Variants in ASAP2 observed in about 807,000 individuals in gnomAD.
ASAP2 encodes arf-GAP with SH3 domain, ANK repeat and PH domain-containing protein 2.
In ASAP2, 45 loss-of-function variants were observed where a neutral mutation model predicts 131.4. The observed-to-expected ratio is 0.34, with a 90% CI of 0.27 to 0.44. The LOEUF (loss-of-function observed/expected upper bound fraction) is 0.44, where lower values mean the gene tolerates loss of function less well. Among genes scored for constraint, ASAP2 ranks in the 20% least tolerant of loss-of-function variants. The pLI is 1.00. For synonymous variants in ASAP2, 510 were observed against 503.0 expected (o/e 1.01, Z -0.19); for missense variants, 1,011 against 1,297.0 (o/e 0.78, Z 3.39).
At chr2:9,381,980 CTT>C (rs759499289) in intron 20 of ASAP2, among the ~76,000 whole-genome samples, 9,602 of 115,912 alleles carry the variant, frequency 0.083, 777 homozygotes, top group African/African-American at 0.31. Flanking sequence ...CTCATTTAAT[CTT>C]TTTTTTTTTT....
Position 9,311,900 on chromosome 2 carries a change from C to T in ASAP2, c.346-6624C>T, listed in dbSNP as rs1404312600. On this transcript the variant is annotated intron_variant, in intron 3 of 27. Coordinates refer to ENST00000281419, the MANE Select transcript of ASAP2 (RefSeq NM_003887.3). The surrounding 1 kb of genome is among the most constrained non-coding windows in gnomAD (Gnocchi z 5.2). The stretch of plus-strand genomic sequence containing the variant: ...GCGTGTGTGCTGTGTGGATTGCATA[C>T]ACCAAGCATGGAAAGGCAGAGGCAA... Among the ~76,000 whole-genome samples the T allele has an allele frequency of 1.3e-5, 2 of 152,234 alleles. No homozygotes were observed. The highest frequency in any genetic ancestry group is 6.5e-5 in the Admixed American group (1 of 15,288).
In ASAP2 at chr2:9,301,320, C is replaced by T. The variant is rs1668458521; in HGVS notation, c.345+3875C>T. Among the ~76,000 whole-genome samples the T allele has an allele frequency of 5.9e-5, 9 of 152,298 alleles. No homozygotes were observed. The South Asian group carries it at 1.9e-3, about 32-fold the overall frequency. On this transcript the variant is annotated intron_variant, in intron 3 of 27. Transcript: ENST00000281419. ...CTTAATATAAAGCAAGATTTTCTTA[C>T]TAATGGGTGAGATTCTCACCTGCAG...
intron 1 of ASAP2, among the ~76,000 whole-genome samples, chr2:9,208,357 G>C (rs1393997630): frequency 7.6e-6 from 1 of 132,408 alleles, no homozygotes; most frequent in Admixed American, 7.4e-5. Flanking sequence ...GGGTGGGGGG[G>C]TGGGTGTCAC....
At chr2:9,375,009 G>C in intron 17 of ASAP2, 65 bp downstream of exon 17, 1 of 1,460,374 alleles carries the variant, frequency 6.8e-7, no homozygotes, top group South Asian at 1.4e-5. Flanking sequence ...GCTCATGCCT[G>C]GGATCCAGTA....
rs145197255 is a variant in ASAP2, at chr2:9,327,390, T to C, written c.601-436T>C. ...TTTTCCAACAATCACATTATTTTCC[T>C]TGTAAGGGAAATGTCTCAGGACGAG... is the stretch of plus-strand genomic sequence containing the variant. On this transcript the variant is annotated intron_variant, in intron 6 of 27. Transcript: ENST00000281419. Among the ~76,000 whole-genome samples the C allele has an allele frequency of 2.8e-3, 420 of 152,342 alleles. 2 individuals are homozygous for C. The highest frequency in any genetic ancestry group is 9.6e-3 in the African/African-American group (400 of 41,568).
chr2:9,229,759 G>A (rs1028724550), intron 1 of ASAP2, among the ~76,000 whole-genome samples: 1 of 152,186 alleles, frequency 6.6e-6, no homozygotes, highest in South Asian at 2.1e-4. Flanking sequence ...TCTGCAGGGG[G>A]ACAAAGTGCC....
chr2:9,272,215 G>A (rs921463670), intron 1 of ASAP2, among the ~76,000 whole-genome samples: 3 of 152,100 alleles, frequency 2.0e-5, no homozygotes, highest in Admixed American at 6.5e-5. Context: ...ATCCCCACAA[G>A]CATTTGTTAT....
chr2:9,254,731 C>T (rs6744693), intron 1 of ASAP2, among the ~76,000 whole-genome samples: 81,076 of 150,926 alleles, frequency 0.54, 22,909 homozygotes, highest in African/African-American at 0.73. Flanking sequence ...CCAGTATATA[C>T]AGGATTTGGT....
In ASAP2 at chr2:9,316,167, A is replaced by G. The variant is rs371378701; in HGVS notation, c.346-2357A>G. 4.7e-4 allele frequency among the ~76,000 whole-genome samples: 71 copies of G among 152,162 alleles called. No homozygotes were observed. In the East Asian group the frequency reaches 9.7e-3, roughly 21 times the overall value. On this transcript the variant is annotated intron_variant, in intron 3 of 27. Coordinates refer to ENST00000281419, the MANE Select transcript of ASAP2 (RefSeq NM_003887.3). ...AACCCTGTCTACAAAAACTACAAAA[A>G]AAAAATTAGCCAAGCATGTTGGCCC...
In ASAP2 at chr2:9,392,929, C is replaced by T. The variant is rs1319378385; in HGVS notation, c.2519-553C>T. On this transcript the variant is annotated intron_variant, in intron 23 of 27. Coordinates refer to ENST00000281419, the MANE Select transcript of ASAP2 (RefSeq NM_003887.3). The surrounding 1 kb of genome is among the most constrained non-coding windows in gnomAD (Gnocchi z 4.0). ...CACCCTTGACGAGAGCTCTTCCCCT[C>T]CGTGGGCCTCAGCCTCCTTGTCTGT... 1.3e-5 allele frequency among the ~76,000 whole-genome samples: 2 copies of T among 152,228 alleles called. No individual in the cohort carries two copies. Among genetic ancestry groups the T allele is most frequent in the African/African-American group, 2.4e-5 (1 of 41,462 alleles).
At chr2:9,210,443 C>G (rs1661448737) in intron 1 of ASAP2, among the ~76,000 whole-genome samples, 1 of 152,106 alleles carries the variant, frequency 6.6e-6, no homozygotes, top group South Asian at 2.1e-4. Flanking sequence ...GTCCACAGGC[C>G]CCAGTGAGGG....
rs114859857 is a variant in ASAP2 at position 9,321,306 on chromosome 2, A to T, written c.470+969A>T. 2.9e-3 allele frequency among the ~76,000 whole-genome samples: 442 copies of T among 152,256 alleles called. 3 individuals carry two copies. The highest frequency in any genetic ancestry group is 0.01 in the African/African-American group (427 of 41,546). ...CACACCTTTGATACTCCTTCTATCC[A>T]TGGGAATCTTACATTTCCATACCCG... On this transcript the variant is annotated intron_variant, in intron 5 of 27. Transcript: ENST00000281419.
At chr2:9,357,604 G>A (rs943150645) in intron 14 of ASAP2, among the ~76,000 whole-genome samples, 3 of 152,116 alleles carry the variant, frequency 2.0e-5, no homozygotes, top group Non-Finnish European at 2.9e-5. Flanking sequence ...TGTTTCATAC[G>A]CTTTGATAAA....
intron 7 of ASAP2, among the ~76,000 whole-genome samples, chr2:9,329,834 T>C (rs1448853321): frequency 6.6e-6 from 1 of 152,252 alleles, no homozygotes; most frequent in Non-Finnish European, 1.5e-5. Context: ...CTTTCCTTTG[T>C]GCCCTCCCTG....
intron 3 of ASAP2, among the ~76,000 whole-genome samples, chr2:9,315,359 GT>G (rs1669586070): frequency 6.6e-6 from 1 of 152,220 alleles, no homozygotes; most frequent in Non-Finnish European, 1.5e-5. Context: ...AGCCAAGGCA[GT>G]GGACGTGAGA....
chr2:9,309,931 C>T (rs1669191238), intron 3 of ASAP2, among the ~76,000 whole-genome samples: 1 of 152,252 alleles, frequency 6.6e-6, no homozygotes, highest in East Asian at 1.9e-4. Flanking sequence ...TCTTCAATGC[C>T]TGCCTCACAC....
chr2:9,367,536 G>GGA (rs1673575609), intron 15 of ASAP2, among the ~76,000 whole-genome samples: 1 of 152,094 alleles, frequency 6.6e-6, no homozygotes, highest in African/African-American at 2.4e-5. Flanking sequence ...TGAGGTGGCC[G>GGA]GATTGCATGA....
intron 21 of ASAP2, among the ~76,000 whole-genome samples, chr2:9,388,017 TC>T (rs1310770447): frequency 6.6e-6 from 1 of 152,178 alleles, no homozygotes; most frequent in African/African-American, 2.4e-5. Context: ...CCTCCTTCCC[TC>T]GACAAGTGAA....
intron 24 of ASAP2, among the ~76,000 whole-genome samples, chr2:9,395,126 G>A (rs1676012793): frequency 6.6e-6 from 1 of 152,158 alleles, no homozygotes; most frequent in African/African-American, 2.4e-5. Flanking sequence ...GACACAGTCG[G>A]GGCAGAGAGG....
Sources: allele counts gnomAD v4.1 joint callset (sites outside exome capture counted in the v4.1 genomes callset), GRCh38; gene constraint gnomAD v4.1.1; non-coding constraint Gnocchi (gnomAD v3.1); transcripts MANE v1.5; gene names NCBI Gene and HGNC (gene_info 2026-07-23, HGNC 2026-07-21).